Variants in LHFPL6 observed in about 807,000 individuals in gnomAD.
LHFPL6 encodes LHFPL tetraspan subfamily member 6 protein.
LHFPL6 carries 9 observed loss-of-function variants against 20.6 expected under a neutral mutation model. The ratio of observed to expected loss-of-function variants is 0.44; its 90% CI spans 0.26 to 0.76. The LOEUF is 0.76. Ranked by LOEUF, LHFPL6 falls within the 30% of genes least tolerant of loss-of-function variation. The pLI is 0.20. For missense variants in LHFPL6, 218 were observed against 253.5 expected (o/e 0.86, Z 0.95); for synonymous variants, 105 against 98.7 (o/e 1.06, Z -0.38).
intron 1 of LHFPL6, among the ~76,000 whole-genome samples, chr13:39,601,835 C>G (rs1872960152): frequency 6.6e-6 from 1 of 152,188 alleles, no homozygotes; most frequent in Non-Finnish European, 1.5e-5. Flanking sequence ...TGCATTAACT[C>G]TCTGCATGAG....
At chr13:39,492,768 C>T (rs982991954) in intron 2 of LHFPL6, among the ~76,000 whole-genome samples, 2 of 152,070 alleles carry the variant, frequency 1.3e-5, no homozygotes, top group Admixed American at 1.3e-4. Flanking sequence ...TCAACCTCTG[C>T]CTCCTGGGTT....
intron 2 of LHFPL6, among the ~76,000 whole-genome samples, chr13:39,454,077 C>A (rs1186442573): frequency 6.6e-6 from 1 of 152,116 alleles, no homozygotes. Flanking sequence ...TCCCTTCATA[C>A]TTGGGGATAA....
intron 2 of LHFPL6, among the ~76,000 whole-genome samples, chr13:39,402,007 T>C (rs1012809603): frequency 3.9e-5 from 6 of 152,136 alleles, no homozygotes; most frequent in Non-Finnish European, 2.9e-5. Context: ...CATGTGGATA[T>C]TGAGCAACAG....
At chr13:39,384,706 C>G (rs1275715865) in intron 2 of LHFPL6, among the ~76,000 whole-genome samples, 1 of 152,148 alleles carries the variant, frequency 6.6e-6, no homozygotes, top group Non-Finnish European at 1.5e-5. Flanking sequence ...GCCTAATTTG[C>G]TTCTGGGGAG....
chr13:39,554,638 G>A (rs74425898), intron 2 of LHFPL6, among the ~76,000 whole-genome samples: 4,570 of 152,152 alleles, frequency 0.03, 98 homozygotes, highest in East Asian at 0.08. Context: ...TTCAAATGTT[G>A]TTGTCTTCCC....
chr13:39,583,169 C>CTTTTT (rs34898470), intron 2 of LHFPL6, among the ~76,000 whole-genome samples: 4 of 114,152 alleles, frequency 3.5e-5, no homozygotes, highest in African/African-American at 3.4e-5. Context: ...ATGCCAAATT[C>CTTTTT]TTTTTTTTTT....
At chr13:39,595,934 C>T (rs575857505) in intron 2 of LHFPL6, among the ~76,000 whole-genome samples, 8 of 152,212 alleles carry the variant, frequency 5.3e-5, no homozygotes, top group East Asian at 1.9e-4. Flanking sequence ...GGCCAAGGGA[C>T]GTCCAGGACC....
intron 2 of LHFPL6, among the ~76,000 whole-genome samples, chr13:39,516,823 A>G (rs1869936860): frequency 1.3e-5 from 2 of 152,258 alleles, no homozygotes; most frequent in South Asian, 2.1e-4. Context: ...CAAAGACAAC[A>G]GTCAAAACAC....
rs1870334794 is a variant in LHFPL6, at chr13:39,527,640, TG to T, written c.385+73191del. On this transcript the variant is annotated intron_variant, in intron 2 of 3. Coordinates refer to ENST00000379589, the MANE Select transcript of LHFPL6 (RefSeq NM_005780.3). ...TCTGGTTATATACTCATCATTTTTT[TG>T]TTTCCTCGTTACTTAGCTTTTATAG... 2.0e-5 allele frequency among the ~76,000 whole-genome samples: 3 copies of T among 152,190 alleles called. No homozygotes were observed. In the East Asian group the frequency reaches 5.8e-4, roughly 29 times the overall value.
At chr13:39,361,461 G>A (rs528153184) in intron 3 of LHFPL6, among the ~76,000 whole-genome samples, 6 of 152,220 alleles carry the variant, frequency 3.9e-5, no homozygotes, top group African/African-American at 1.2e-4. Flanking sequence ...GGGACTACAG[G>A]TGCATGCCAT....
At chr13:39,588,581 G>A (rs539023133) in intron 2 of LHFPL6, among the ~76,000 whole-genome samples, 6 of 152,294 alleles carry the variant, frequency 3.9e-5, no homozygotes, top group African/African-American at 9.6e-5. Context: ...ACACACCATC[G>A]TTTCAACATG....
chr13:39,541,948 A>G (rs4326925), intron 2 of LHFPL6, among the ~76,000 whole-genome samples: 145,052 of 151,516 alleles, frequency 0.96, 69,446 homozygotes, highest in African/African-American at 0.96. Context: ...AAAATTAGCC[A>G]GGCATGGTGG....
chr13:39,369,826 G>A (rs1295760305), intron 3 of LHFPL6, among the ~76,000 whole-genome samples: 1 of 152,036 alleles, frequency 6.6e-6, no homozygotes, highest in Non-Finnish European at 1.5e-5. Flanking sequence ...GCTAGGCACC[G>A]AAGTTGAAAA....
At chr13:39,481,837 T>A (rs765615693) in intron 2 of LHFPL6, among the ~76,000 whole-genome samples, 36 of 152,230 alleles carry the variant, frequency 2.4e-4, no homozygotes, top group South Asian at 8.3e-4. Context: ...GAGTACTTGC[T>A]GATGGAGTAG....
At chr13:39,594,947 T>C (rs1872722393) in intron 2 of LHFPL6, among the ~76,000 whole-genome samples, 1 of 151,848 alleles carries the variant, frequency 6.6e-6, no homozygotes, top group Non-Finnish European at 1.5e-5. Flanking sequence ...AAGGGGAACA[T>C]CACATACCGG....
At chr13:39,524,207 T>C (rs1870212612) in intron 2 of LHFPL6, among the ~76,000 whole-genome samples, 1 of 152,164 alleles carries the variant, frequency 6.6e-6, no homozygotes, top group South Asian at 2.1e-4. Context: ...TTAGTATGTA[T>C]TTTGAGAAAA....
intron 2 of LHFPL6, among the ~76,000 whole-genome samples, chr13:39,589,112 T>A (rs1872533108): frequency 6.6e-6 from 1 of 152,090 alleles, no homozygotes; most frequent in Non-Finnish European, 1.5e-5. Flanking sequence ...ATCTACCAGA[T>A]AAATTTTTTT....
intron 2 of LHFPL6, among the ~76,000 whole-genome samples, chr13:39,561,027 C>T (rs1229885607): frequency 6.6e-6 from 1 of 151,998 alleles, no homozygotes; most frequent in African/African-American, 2.4e-5. Context: ...CCTTCCTCTG[C>T]ATTCTTCACT....
chr13:39,577,718 G>A (rs1047451578), intron 2 of LHFPL6, among the ~76,000 whole-genome samples: 2 of 151,736 alleles, frequency 1.3e-5, no homozygotes, highest in South Asian at 2.1e-4. Context: ...TGCAACCTCC[G>A]CCTCCCAGGT....
Sources: allele counts gnomAD v4.1 joint callset (sites outside exome capture counted in the v4.1 genomes callset), GRCh38; gene constraint gnomAD v4.1.1; transcripts MANE v1.5; gene names NCBI Gene and HGNC (gene_info 2026-07-23, HGNC 2026-07-21).